Variants in SYAP1 observed in about 807,000 individuals in gnomAD.
SYAP1 encodes the protein synapse associated protein 1.
SYAP1 carries 3 observed loss-of-function variants against 29.6 expected under a neutral mutation model. The ratio of observed to expected loss-of-function variants is 0.10; its 90% CI spans 0.05 to 0.26. The LOEUF (loss-of-function observed/expected upper bound fraction) is 0.26. Among genes scored for constraint, SYAP1 ranks in the 10% least tolerant of loss-of-function variants. The pLI is 1.00. For missense variants in SYAP1, 217 were observed against 264.1 expected, an observed-to-expected ratio of 0.82 and a Z score of 1.24; for synonymous variants, 102 against 102.7, an observed-to-expected ratio of 0.99 and a Z score of 0.04.
chrX:16,738,359 G>C lies in SYAP1; in HGVS notation c.361+2127G>C, dbSNP rs1926373752. Among the ~76,000 whole-genome samples, 3 of 111,932 alleles carry C rather than the reference G, an allele frequency of 2.7e-5. No individual in the cohort carries two copies. The South Asian group carries it at 1.1e-3, about 42-fold the overall frequency. ...GAACCTGGGAGGTGGAGGTTGCAGT[G>C]AACCGCGATTGTGCCGCTACACTCC... On this transcript the variant is annotated intron_variant, in intron 3 of 8. Transcript: ENST00000380155.
chrX:16,738,050 G>A (rs1926368280), intron 3 of SYAP1, among the ~76,000 whole-genome samples: 1 of 111,843 alleles, frequency 8.9e-6, no homozygotes, highest in African/African-American at 3.2e-5. Flanking sequence ...GGGAGGGGAA[G>A]AGGGGAAGGA....
At chrX:16,755,347 G>A (rs1478654412) in intron 6 of SYAP1, among the ~76,000 whole-genome samples, 2 of 107,381 alleles carry the variant, frequency 1.9e-5, no homozygotes, top group African/African-American at 6.8e-5. Context: ...TTTTAGACAC[G>A]GGTCTCACTA....
intron 4 of SYAP1, among the ~76,000 whole-genome samples, chrX:16,742,180 C>T (rs1257390165): frequency 4.4e-5 from 3 of 67,666 alleles, no homozygotes; most frequent in Non-Finnish European, 7.1e-5. Flanking sequence ...GAGACAAAGT[C>T]TCGCTCTGTC....
chrX:16,731,140 A>G (rs1926196631), intron 1 of SYAP1, among the ~76,000 whole-genome samples: 1 of 111,985 alleles, frequency 8.9e-6, no homozygotes, highest in African/African-American at 3.2e-5. Context: ...TGAGTTAGAC[A>G]AAAATTAGTT....
chrX:16,721,456 G>A (rs902775208), intron 1 of SYAP1, among the ~76,000 whole-genome samples: 1 of 110,750 alleles, frequency 9.0e-6, no homozygotes, highest in African/African-American at 3.3e-5. Context: ...GGGCCCTAAC[G>A]TTTAAAAGTT....
intron 8 of SYAP1, among the ~76,000 whole-genome samples, chrX:16,758,919 C>T (rs1401509794): frequency 9.2e-6 from 1 of 109,116 alleles, no homozygotes; most frequent in Non-Finnish European, 1.9e-5. Flanking sequence ...CACGGTGGCT[C>T]ATGCCTGTAA....
At position 16,743,609 on chromosome X, in the gene SYAP1, G is replaced by A. The variant is rs911033321; in HGVS notation, c.436-92G>A. 3.2e-6 allele frequency: 3 copies of A among 923,799 alleles called. No homozygotes were observed. The African/African-American group carries it at 6.0e-5, about 18-fold the overall frequency. 76.1% of individuals were successfully genotyped at this position (923,799 alleles called of 1,213,427 possible). On this transcript the variant is annotated intron_variant, in intron 4 of 8. Transcript: ENST00000380155. ...AGATTGCACCACTGCACTCTAGCCTGGGTGACAACCCGTCTCAAAAAAAAA... is the reference window on the plus strand; with the variant it reads ...AGATTGCACCACTGCACTCTAGCCTAGGTGACAACCCGTCTCAAAAAAAAA...
At chrX:16,742,142 G>GTTTT (rs1569250113) in intron 4 of SYAP1, among the ~76,000 whole-genome samples, 3 of 63,543 alleles carry the variant, frequency 4.7e-5, no homozygotes, top group African/African-American at 3.0e-4. Context: ...ATTTTTGTGT[G>GTTTT]GTTTTTTTTT....
chrX:16,755,958 T>C (rs1926833265), intron 6 of SYAP1, among the ~76,000 whole-genome samples: 1 of 111,692 alleles, frequency 9.0e-6, no homozygotes, highest in Non-Finnish European at 1.9e-5. Flanking sequence ...TACAGAATAC[T>C]AGGACAGGAT....
intron 5 of SYAP1, among the ~76,000 whole-genome samples, chrX:16,747,503 G>T (rs1204723991): frequency 8.9e-6 from 1 of 112,484 alleles, no homozygotes; most frequent in East Asian, 2.8e-4. Context: ...AAGAGGCCCT[G>T]AGTGGCTGGA....
rs1926963131 is a variant in SYAP1 at position 16,760,757 on chromosome X, C to T, written c.*398C>T. 8.9e-6 allele frequency: 1 copy of T among 112,107 alleles called. No individual in the cohort carries two copies. The highest frequency in any genetic ancestry group is 1.9e-5 in the Non-Finnish European group (1 of 53,535). 9.2% of individuals were successfully genotyped at this position (112,107 alleles called of 1,213,427 possible). A position where few individuals can be genotyped will look rare whatever the true frequency, so the allele number is the denominator to read the frequency against. ...AATTGATATGAGGGTGTTAAAGTAC[C>T]TACTTAATGGGTTGATTACTATCAA... On this transcript the variant is annotated 3_prime_UTR_variant, in exon 9 of 9. Transcript: ENST00000380155.
intron 4 of SYAP1, among the ~76,000 whole-genome samples, chrX:16,742,801 G>T (rs1470539717): frequency 9.1e-6 from 1 of 110,166 alleles, no homozygotes; most frequent in Admixed American, 9.7e-5. Context: ...TGTTTTTAGA[G>T]ATGGGTTCTC....
rs754163521 is a variant in SYAP1, at chrX:16,758,666, G to A, written c.931+1357G>A. Reference sequence around the variant, plus strand: ...AGTCTTTTATATATTATATATCTTGGCTCCAGGACTAAATTGTAAGATCCC... The same window carrying A: ...AGTCTTTTATATATTATATATCTTGACTCCAGGACTAAATTGTAAGATCCC... On this transcript the variant is annotated intron_variant, in intron 8 of 8. Coordinates refer to ENST00000380155, the MANE Select transcript of SYAP1 (RefSeq NM_032796.4). Among the ~76,000 whole-genome samples the A allele has an allele frequency of 3.6e-5, 4 of 109,617 alleles. No homozygotes were observed. The South Asian group carries it at 1.6e-3, about 44-fold the overall frequency.
rs1432909247 is a variant in SYAP1, at chrX:16,733,017, C to A, written c.176-2210C>A. Among the ~76,000 whole-genome samples, 4 of 111,850 alleles carry A rather than the reference C, an allele frequency of 3.6e-5. No individual in the cohort carries two copies. In the East Asian group the frequency reaches 1.1e-3, roughly 32 times the overall value. On this transcript the variant is annotated intron_variant, in intron 1 of 8. Transcript: ENST00000380155. Reference sequence around the variant, plus strand: ...CACATCTCAGGACATCCATCGTAGTCAAGGGAATATTTCCTAAGGAGAAGG... The same window carrying A: ...CACATCTCAGGACATCCATCGTAGTAAAGGGAATATTTCCTAAGGAGAAGG...
chrX:16,757,412 T>G (rs372125782), intron 8 of SYAP1, 103 bp downstream of exon 8: 6 of 936,015 alleles, frequency 6.4e-6, no homozygotes, highest in Non-Finnish European at 8.6e-6. Flanking sequence ...AAAAATGTGT[T>G]GTAAATTTTG....
At chrX:16,735,010 A>C (rs1268693202) in intron 1 of SYAP1, among the ~76,000 whole-genome samples, 7 of 106,232 alleles carry the variant, frequency 6.6e-5, no homozygotes, top group Non-Finnish European at 1.4e-4. Flanking sequence ...AAAAAAAAAA[A>C]AAAAAAAAAA....
intron 3 of SYAP1, among the ~76,000 whole-genome samples, chrX:16,738,177 G>A (rs1926370556): frequency 8.9e-6 from 1 of 111,802 alleles, no homozygotes; most frequent in Non-Finnish European, 1.9e-5. Flanking sequence ...CACTTTGGGA[G>A]GCTGAGGTAG....
At position 16,762,680 on chromosome X, in the gene SYAP1, T is replaced by G. The variant is rs1927009510; in HGVS notation, c.*2321T>G. The G allele has an allele frequency of 8.9e-6, 1 of 111,939 alleles. No homozygotes were observed. Among genetic ancestry groups the G allele is most frequent in the Non-Finnish European group, 1.9e-5 (1 of 53,231 alleles). 9.2% of individuals were successfully genotyped at this position (111,939 alleles called of 1,213,427 possible). Reference sequence around the variant, plus strand: ...TTAATAAAATGCTAAAATATGAACATCACACTATGGAGATTATGCCTCACT... The same window carrying G: ...TTAATAAAATGCTAAAATATGAACAGCACACTATGGAGATTATGCCTCACT... On this transcript the variant is annotated 3_prime_UTR_variant, in exon 9 of 9. Transcript: ENST00000380155.
chrX:16,724,079 T>C, intron 1 of SYAP1, among the ~76,000 whole-genome samples: 1 of 112,511 alleles, frequency 8.9e-6, no homozygotes, highest in Non-Finnish European at 1.9e-5. Flanking sequence ...GGAAGACTTA[T>C]GGGACTCAGC....
Sources: allele counts gnomAD v4.1 joint callset (sites outside exome capture counted in the v4.1 genomes callset), GRCh38; gene constraint gnomAD v4.1.1; transcripts MANE v1.5; gene names NCBI Gene and HGNC (gene_info 2026-07-23, HGNC 2026-07-21).